CPM: variants seen among roughly 807,000 people sequenced by gnomAD.
CPM encodes carboxypeptidase M.
In CPM, 35 loss-of-function variants were observed where a neutral mutation model predicts 46.4. That is an observed-to-expected ratio of 0.75 (90% confidence interval 0.58 to 1.00). CPM has a LOEUF of 1.00. Ranked by LOEUF, CPM falls within the 50% of genes least tolerant of loss-of-function variation. The pLI, the probability that CPM is intolerant of heterozygous loss-of-function variation, is 0.00. For missense variants in CPM, 422 were observed against 530.4 expected (o/e 0.80, Z 2.01); for synonymous variants, 195 against 195.3 (o/e 1.00, Z 0.01).
chr12:68,862,423 T>C (rs1885254389), intron 7 of CPM, among the ~76,000 whole-genome samples: 1 of 138,514 alleles, frequency 7.2e-6, no homozygotes, highest in African/African-American at 2.8e-5. Context: ...TTAGTAGAGA[T>C]GGGTTTCACC....
rs1039773140 is a variant in CPM, at chr12:68,853,552, C to T, written c.*2885G>A. ...AGAAATGGCCTAAATGCTCCTGTAG[C>T]TCTTCATTCCTTTGTCGTTCTCACT... On this transcript the variant is annotated 3_prime_UTR_variant, in exon 9 of 9. Coordinates refer to ENST00000551568, the MANE Select transcript of CPM (RefSeq NM_198320.5). 1 of 152,148 alleles carries T rather than the reference C, an allele frequency of 6.6e-6. No individual in the cohort carries two copies. Among genetic ancestry groups the T allele is most frequent in the Admixed American group, 6.5e-5 (1 of 15,272 alleles). The allele number at this position is 152,148 out of a possible 1,614,324, so 9.4% of individuals were successfully genotyped here.
At chr12:68,878,465 C>A (rs1886050533) in intron 3 of CPM, among the ~76,000 whole-genome samples, 1 of 152,188 alleles carries the variant, frequency 6.6e-6, no homozygotes, top group East Asian at 1.9e-4. Flanking sequence ...TCTGCTGGCA[C>A]CACCCACATC....
Position 68,856,382 on chromosome 12 carries a change from G to C in CPM, c.*55C>G. 6.3e-7 allele frequency: 1 copy of C among 1,578,386 alleles called. No individual in the cohort carries two copies. On this transcript the variant is annotated 3_prime_UTR_variant, in exon 9 of 9. Coordinates refer to ENST00000551568, the MANE Select transcript of CPM (RefSeq NM_198320.5). ...AGTGAGTTAGGGTTGCAGTAACCTGGAGTGAGCAATCCCTGATTCCAGGTG... is the reference window on the plus strand; with the variant it reads ...AGTGAGTTAGGGTTGCAGTAACCTGCAGTGAGCAATCCCTGATTCCAGGTG...
At chr12:68,869,981 T>C (rs1460629095) in intron 5 of CPM, among the ~76,000 whole-genome samples, 1 of 152,216 alleles carries the variant, frequency 6.6e-6, no homozygotes, top group African/African-American at 2.4e-5. Flanking sequence ...TTCTAGAATC[T>C]AAATTTCACT....
rs142279781 is a variant in CPM, at chr12:68,949,292, G to T, written c.-4+13877C>A. On this transcript the variant is annotated intron_variant, in intron 1 of 8. Transcript: ENST00000546373. ...GGGCTGAGGCAAGAGGATCGCTTGA[G>T]CCCGGGAGGTCAAGGCTGCAGTAAG... is the stretch of plus-strand genomic sequence containing the variant. Among the ~76,000 whole-genome samples, 868 of 152,310 alleles carry T rather than the reference G, an allele frequency of 5.7e-3. 4 individuals are homozygous for T. Among genetic ancestry groups the T allele is most frequent in the African/African-American group, 0.019 (798 of 41,562 alleles).
chr12:68,944,601 C>T (rs1436012614), intron 1 of CPM, among the ~76,000 whole-genome samples: 3 of 152,144 alleles, frequency 2.0e-5, no homozygotes, highest in South Asian at 2.1e-4. Flanking sequence ...GGCCTCACTT[C>T]GTTGCACAGG....
intron 2 of CPM, among the ~76,000 whole-genome samples, chr12:68,904,363 C>T (rs1307390346): frequency 2.6e-5 from 4 of 152,172 alleles, no homozygotes; most frequent in Non-Finnish European, 5.9e-5. Flanking sequence ...CAACTCTGTG[C>T]CCATCATTTG....
intron 7 of CPM, among the ~76,000 whole-genome samples, chr12:68,865,899 G>A (rs890564645): frequency 1.3e-5 from 2 of 152,138 alleles, no homozygotes; most frequent in South Asian, 2.1e-4. Flanking sequence ...TCAGCATCAC[G>A]TGGTAAGGTG....
intron 1 of CPM, among the ~76,000 whole-genome samples, chr12:68,940,258 G>C (rs1028002288): frequency 6.6e-6 from 1 of 151,770 alleles, no homozygotes; most frequent in Admixed American, 6.6e-5. Flanking sequence ...ACATCTTGGC[G>C]TTAGCGTGTC....
intron 2 of CPM, among the ~76,000 whole-genome samples, chr12:68,927,152 A>G (rs1321547545): frequency 4.0e-5 from 6 of 151,394 alleles, no homozygotes; most frequent in Non-Finnish European, 5.9e-5. Flanking sequence ...GACTTCCACA[A>G]TGGTTGAACT....
chr12:68,922,679 G>A (rs529629729), intron 2 of CPM, among the ~76,000 whole-genome samples: 1 of 150,630 alleles, frequency 6.6e-6, no homozygotes, highest in African/African-American at 2.4e-5. Flanking sequence ...CTTGACAAAG[G>A]TATGTATGTG....
chr12:68,948,476 A>G (rs1462928783), intron 1 of CPM, among the ~76,000 whole-genome samples: 5 of 150,954 alleles, frequency 3.3e-5, no homozygotes, highest in Admixed American at 2.0e-4. Context: ...TTTAGTTTCT[A>G]GTGTCTGTCT....
intron 2 of CPM, among the ~76,000 whole-genome samples, chr12:68,900,477 T>G (rs1274158579): frequency 1.3e-5 from 2 of 152,186 alleles, no homozygotes; most frequent in Non-Finnish European, 2.9e-5. Context: ...TTTGCAAGTG[T>G]CTTACAAAAC....
At chr12:68,951,870 A>G (rs1464320069) in intron 1 of CPM, among the ~76,000 whole-genome samples, 1 of 152,232 alleles carries the variant, frequency 6.6e-6, no homozygotes, top group Non-Finnish European at 1.5e-5. Context: ...CTTCCTAAGA[A>G]GAGGAAAAGG....
intron 4 of CPM, among the ~76,000 whole-genome samples, chr12:68,871,101 A>C (rs1885674020): frequency 6.6e-6 from 1 of 152,222 alleles, no homozygotes; most frequent in African/African-American, 2.4e-5. Flanking sequence ...GAGAAATTCC[A>C]AACCTCCCAA....
intron 2 of CPM, among the ~76,000 whole-genome samples, chr12:68,915,724 A>G (rs1297314462): frequency 1.3e-5 from 2 of 152,200 alleles, no homozygotes; most frequent in Non-Finnish European, 1.5e-5. Flanking sequence ...TCCCCTTACA[A>G]AAGTTCTGGT....
At chr12:68,962,073 G>A (rs1043557433) in intron 1 of CPM, among the ~76,000 whole-genome samples, 2 of 151,904 alleles carry the variant, frequency 1.3e-5, no homozygotes, top group South Asian at 2.1e-4. Flanking sequence ...GGTGGTGGGC[G>A]CCTGTAGTCT....
At chr12:68,922,440 CAGA>C (rs1888074300) in intron 2 of CPM, among the ~76,000 whole-genome samples, 1 of 152,090 alleles carries the variant, frequency 6.6e-6, no homozygotes, top group Non-Finnish European at 1.5e-5. Context: ...TTTAAACAAA[CAGA>C]AGGATTACTT....
chr12:68,848,791 C>T (rs538189605), downstream of CPM: 1 of 152,210 alleles, frequency 6.6e-6, no homozygotes, highest in Non-Finnish European at 1.5e-5. Context: ...CGGCTCACTG[C>T]AACCTCTGCC....
Sources: allele counts gnomAD v4.1 joint callset (sites outside exome capture counted in the v4.1 genomes callset), GRCh38; gene constraint gnomAD v4.1.1; transcripts MANE v1.5; gene names NCBI Gene and HGNC (gene_info 2026-07-23, HGNC 2026-07-21).